The following CMIP variants were observed in gnomAD, a reference collection of about 807,000 sequenced individuals.
CMIP encodes the protein c-Maf inducing protein.
In CMIP, 13 loss-of-function variants were observed where a neutral mutation model predicts 97.3. The observed-to-expected ratio is 0.13, with a 90% confidence interval of 0.09 to 0.21. The LOEUF is 0.21. Among genes scored for constraint, CMIP ranks in the 10% least tolerant of loss-of-function variants. The probability of loss-of-function intolerance (pLI) is 1.00; values close to 1 mark genes in which losing one functional copy is unlikely to be tolerated. For missense variants in CMIP, 847 were observed against 1,024.9 expected, an observed-to-expected ratio of 0.83 and a Z score of 2.37; for synonymous variants, 538 against 436.3, an observed-to-expected ratio of 1.23 and a Z score of -2.91.
chr16:81,708,403 A>C (rs1908390860), intron 20 of CMIP, among the ~76,000 whole-genome samples: 1 of 151,692 alleles, frequency 6.6e-6, no homozygotes, highest in Non-Finnish European at 1.5e-5. Flanking sequence ...TGCTGCCTGG[A>C]TTATCTTGAG....
rs373008666 is a variant in CMIP, at chr16:81,710,596, A to G, written c.*797A>G. On this transcript the variant is annotated 3_prime_UTR_variant, in exon 21 of 21. Coordinates refer to ENST00000537098, the MANE Select transcript of CMIP (RefSeq NM_198390.3). Reference sequence around the variant, plus strand: ...ATTGCTTTTTCGTAATGGATTCTCTATGCTAATGCTCTCTCGTCTGTCTGT... The same window carrying G: ...ATTGCTTTTTCGTAATGGATTCTCTGTGCTAATGCTCTCTCGTCTGTCTGT... 1.2e-3 allele frequency: 178 copies of G among 151,828 alleles called. 2 individuals carry two copies. The highest frequency in any genetic ancestry group is 8.3e-4 in the South Asian group (4 of 4,798). The allele number at this position is 151,828 out of a possible 1,614,324, so 9.4% of individuals were successfully genotyped here.
At position 81,476,140 on chromosome 16, in the gene CMIP, C is replaced by T. The variant is rs1190242200; in HGVS notation, c.300+30599C>T. On this transcript the variant is annotated intron_variant, in intron 1 of 20. Coordinates refer to ENST00000537098, the MANE Select transcript of CMIP (RefSeq NM_198390.3). ...CGTCTTCTTTCACCTTGCCGGAGAC[C>T]ACGTGCTTGCGTTCAACCACTCAGT... The T allele has an allele frequency of 5.9e-6, 6 of 1,014,710 alleles. No homozygotes were observed. The South Asian group carries it at 6.3e-5, about 11-fold the overall frequency. 62.9% of individuals were successfully genotyped at this position (1,014,710 alleles called of 1,614,324 possible).
intron 1 of CMIP, among the ~76,000 whole-genome samples, chr16:81,461,771 T>C (rs1025518032): frequency 1.3e-5 from 2 of 152,226 alleles, no homozygotes; most frequent in African/African-American, 4.8e-5. Flanking sequence ...GCAATGCCTC[T>C]TGTTGCTTGT....
chr16:81,610,676 T>C, intron 2 of CMIP: 2 of 308,680 alleles, frequency 6.5e-6, no homozygotes, highest in South Asian at 2.5e-4. Context: ...CCGTGATGCA[T>C]GGGTGGTATG....
rs1441382256 is a variant in CMIP, at chr16:81,536,981, TA to T, written c.301-70584del. ...TGCTCTCCTGGCTTGTATCAGTGTC[TA>T]ATGGTTTTGCCCGCTTGTGAACTCC... is the stretch of plus-strand genomic sequence containing the variant. On this transcript the variant is annotated intron_variant, in intron 1 of 20. Transcript: ENST00000537098. Among the ~76,000 whole-genome samples the T allele has an allele frequency of 3.9e-5, 6 of 152,162 alleles. No individual in the cohort carries two copies. The South Asian group carries it at 8.3e-4, about 21-fold the overall frequency.
At chr16:81,704,881 C>CA (rs1940931777) in intron 18 of CMIP, among the ~76,000 whole-genome samples, 1 of 151,546 alleles carries the variant, frequency 6.6e-6, no homozygotes, top group Non-Finnish European at 1.5e-5. Flanking sequence ...ATAATGTGCC[C>CA]AGTTCCGAGT....
chr16:81,527,352 G>A (rs915440453), intron 1 of CMIP, among the ~76,000 whole-genome samples: 3 of 151,926 alleles, frequency 2.0e-5, no homozygotes, highest in Non-Finnish European at 4.4e-5. Context: ...GACGGGTAAA[G>A]GAATAGCTAG....
intron 1 of CMIP, among the ~76,000 whole-genome samples, chr16:81,548,990 C>A (rs754397511): frequency 6.6e-6 from 1 of 152,224 alleles, no homozygotes; most frequent in Non-Finnish European, 1.5e-5. Context: ...CACAGCTGGA[C>A]CATTGGTGCT....
At chr16:81,574,712 C>T (rs2091158924) in intron 1 of CMIP, among the ~76,000 whole-genome samples, 1 of 152,186 alleles carries the variant, frequency 6.6e-6, no homozygotes, top group African/African-American at 2.4e-5. Flanking sequence ...TGGGCTGGTG[C>T]TGGGGATACA....
intron 14 of CMIP, among the ~76,000 whole-genome samples, chr16:81,699,060 T>C (rs1333921520): frequency 1.3e-5 from 2 of 152,220 alleles, no homozygotes; most frequent in African/African-American, 4.8e-5. Flanking sequence ...AAGACCAGCC[T>C]GGCCAACATG....
intron 1 of CMIP, among the ~76,000 whole-genome samples, chr16:81,540,592 T>C (rs8059962): frequency 0.52 from 78,612 of 151,576 alleles, 21,098 homozygotes; most frequent in Non-Finnish European, 0.58. Flanking sequence ...CGTGAGCCAC[T>C]GCACCTGGCC....
chr16:81,668,401 C>T (rs1011449888), intron 7 of CMIP, among the ~76,000 whole-genome samples: 1 of 152,172 alleles, frequency 6.6e-6, no homozygotes, highest in African/African-American at 2.4e-5. Context: ...TCCTGCACCT[C>T]TGTTCTGCTC....
intron 6 of CMIP, among the ~76,000 whole-genome samples, chr16:81,661,985 G>A (rs534055086): frequency 6.6e-6 from 1 of 152,276 alleles, no homozygotes; most frequent in South Asian, 2.1e-4. Flanking sequence ...CCCAGGGAGT[G>A]AACACCCGTG....
intron 1 of CMIP, among the ~76,000 whole-genome samples, chr16:81,552,929 G>T (rs910171565): frequency 6.6e-6 from 1 of 152,216 alleles, no homozygotes; most frequent in African/African-American, 2.4e-5. Context: ...CCAAGGGGAA[G>T]ACTGACCTTC....
chr16:81,515,537 A>G (rs914424370), intron 1 of CMIP, among the ~76,000 whole-genome samples: 1 of 152,144 alleles, frequency 6.6e-6, no homozygotes, highest in African/African-American at 2.4e-5. Context: ...GCTGGGGATA[A>G]TGGGAGGCGT....
chr16:81,611,257 C>G (rs1240890271), intron 2 of CMIP: 4 of 152,248 alleles, frequency 2.6e-5, no homozygotes, highest in Non-Finnish European at 1.5e-5. Context: ...CAGTGCTGAC[C>G]TCGAGGCCTT....
Position 81,652,920 on chromosome 16 carries a change from T to C in CMIP, c.639+556T>C, listed in dbSNP as rs2092444292. Among the ~76,000 whole-genome samples the C allele has an allele frequency of 6.6e-6, 1 of 152,104 alleles. No individual in the cohort carries two copies. The highest frequency in any genetic ancestry group is 2.4e-5 in the African/African-American group (1 of 41,408). Reference sequence around the variant, plus strand: ...CCTCCTCGCATATTGAATGTGTGCTTTGTGCCAGGCACCATCTGGGAATTC... The same window carrying C: ...CCTCCTCGCATATTGAATGTGTGCTCTGTGCCAGGCACCATCTGGGAATTC... On this transcript the variant is annotated intron_variant, in intron 4 of 20. Transcript: ENST00000537098. The surrounding 1 kb of genome is among the most constrained non-coding windows in gnomAD (Gnocchi z 5.2).
intron 1 of CMIP, among the ~76,000 whole-genome samples, chr16:81,602,811 C>T (rs939268347): frequency 6.6e-6 from 1 of 152,218 alleles, no homozygotes; most frequent in African/African-American, 2.4e-5. Context: ...TTATCCAATT[C>T]AGCCTCCTAC....
chr16:81,657,682 G>T, intron 4 of CMIP, 93 bp from the exon 5 acceptor site: 2 of 1,083,434 alleles, frequency 1.8e-6, no homozygotes, highest in Non-Finnish European at 2.7e-6. Flanking sequence ...CGCTGAAGAT[G>T]TTTCAAAACT....
Sources: gnomAD v4.1 joint callset for allele counts (sites outside exome capture counted in the v4.1 genomes callset) on GRCh38, gnomAD v4.1.1 for gene constraint, Gnocchi (gnomAD v3.1) non-coding constraint, MANE v1.5 for transcripts, NCBI Gene and HGNC (gene_info 2026-07-23, HGNC 2026-07-21) for gene names.